PIGK: variants seen among roughly 807,000 people sequenced by gnomAD.
PIGK encodes phosphatidylinositol glycan anchor biosynthesis class K, also known as GPI-anchor transamidase.
A neutral mutation model predicts 50.6 loss-of-function variants in PIGK; 42 were observed. The observed-to-expected ratio is 0.83, with a 90% CI of 0.65 to 1.07. The LOEUF is 1.07. Ranked by LOEUF, PIGK falls within the 50% of genes least tolerant of loss-of-function variation. The pLI, the probability that PIGK is intolerant of heterozygous loss-of-function variation, is 0.00. For synonymous variants in PIGK, 151 were observed against 156.0 expected (o/e 0.97, Z 0.24); for missense variants, 448 against 488.7 (o/e 0.92, Z 0.78).
chr1:77,214,643 C>G (rs1291756930), intron 1 of PIGK, among the ~76,000 whole-genome samples: 1 of 152,114 alleles, frequency 6.6e-6, no homozygotes. Flanking sequence ...ACTGGAAGTT[C>G]TAGCCAGAGC....
At position 77,120,576 on chromosome 1, in the gene PIGK, T is replaced by C. The variant is rs1654074982; in HGVS notation, c.1071+1699A>G. Among the ~76,000 whole-genome samples, 9 of 152,282 alleles carry C rather than the reference T, an allele frequency of 5.9e-5. No homozygotes were observed. In the South Asian group the frequency reaches 1.9e-3, roughly 32 times the overall value. ...AGTTAATTTCTGGCAACGTAACTCT[T>C]ATGTTTCTAAAAGACCAGTTGGACC... On this transcript the variant is annotated intron_variant, in intron 10 of 10. Transcript: ENST00000370812.
intron 3 of PIGK, among the ~76,000 whole-genome samples, chr1:77,200,937 G>A (rs949619922): frequency 6.6e-6 from 1 of 152,176 alleles, no homozygotes; most frequent in African/African-American, 2.4e-5. Flanking sequence ...GATAGTGAAT[G>A]TGTATTACAA....
chr1:77,158,306 T>C (rs979727796), intron 8 of PIGK, among the ~76,000 whole-genome samples: 1 of 151,428 alleles, frequency 6.6e-6, no homozygotes, highest in Admixed American at 6.6e-5. Context: ...CATGAGCCAC[T>C]GAGCCCAGCC....
At chr1:77,198,834 C>T (rs1254440570) in intron 3 of PIGK, among the ~76,000 whole-genome samples, 1 of 151,890 alleles carries the variant, frequency 6.6e-6, no homozygotes, top group Non-Finnish European at 1.5e-5. Flanking sequence ...ACTGCAATGC[C>T]AATGAGAATC....
chr1:77,092,596 T>A, intron 10 of PIGK, 106 bp from the exon 11 acceptor site: 1 of 708,142 alleles, frequency 1.4e-6, no homozygotes. Flanking sequence ...TGTGTTTGAA[T>A]GGGGACTAGT....
chr1:77,093,838 T>C (rs961397796), intron 10 of PIGK, among the ~76,000 whole-genome samples: 1 of 152,082 alleles, frequency 6.6e-6, no homozygotes, highest in Non-Finnish European at 1.5e-5. Context: ...CCCTCTAATA[T>C]CCTACAAGAC....
intron 1 of PIGK, among the ~76,000 whole-genome samples, chr1:77,211,536 T>C (rs930743044): frequency 1.7e-4 from 26 of 152,060 alleles, no homozygotes; most frequent in African/African-American, 6.3e-4. Context: ...ATTTCACTTT[T>C]AGTAATGCCA....
chr1:77,108,256 C>T (rs1653741540), intron 10 of PIGK, among the ~76,000 whole-genome samples: 2 of 152,172 alleles, frequency 1.3e-5, no homozygotes, highest in Non-Finnish European at 2.9e-5. Flanking sequence ...TTTAGTGCTT[C>T]CTTCAGGAGC....
intron 3 of PIGK, chr1:77,195,406 C>A: frequency 1.8e-6 from 2 of 1,096,208 alleles, no homozygotes; most frequent in Non-Finnish European, 2.6e-6. Flanking sequence ...GGAGTGAGAG[C>A]TTAGGGTGCT....
intron 8 of PIGK, among the ~76,000 whole-genome samples, chr1:77,159,590 T>G (rs1392558821): frequency 6.6e-6 from 1 of 152,212 alleles, no homozygotes; most frequent in African/African-American, 2.4e-5. Flanking sequence ...AGGGCAAAGC[T>G]GCCCAAGGAC....
At chr1:77,165,235 C>T (rs1209434645) in intron 5 of PIGK, among the ~76,000 whole-genome samples, 1 of 152,050 alleles carries the variant, frequency 6.6e-6, no homozygotes, top group Non-Finnish European at 1.5e-5. Flanking sequence ...ATAATAAATC[C>T]TTTAGTTTAG....
At chr1:77,134,719 G>A (rs758921442) in intron 9 of PIGK, among the ~76,000 whole-genome samples, 32 of 152,032 alleles carry the variant, frequency 2.1e-4, no homozygotes, top group Middle Eastern at 3.2e-3. Flanking sequence ...TTAAAAATAC[G>A]ATTTAATCTG....
intron 10 of PIGK, among the ~76,000 whole-genome samples, chr1:77,102,847 T>C (rs1293835502): frequency 6.6e-6 from 1 of 152,238 alleles, no homozygotes; most frequent in African/African-American, 2.4e-5. Context: ...GAAGCTTTTT[T>C]TGTTTGTTTT....
At chr1:77,185,033 C>A (rs1655707339) in intron 3 of PIGK, among the ~76,000 whole-genome samples, 1 of 152,170 alleles carries the variant, frequency 6.6e-6, no homozygotes, top group African/African-American at 2.4e-5. Context: ...TAAACTTAAC[C>A]AAGTGGCGAC....
At chr1:77,170,144 C>T (rs779014568) in intron 3 of PIGK, among the ~76,000 whole-genome samples, 16 of 152,216 alleles carry the variant, frequency 1.1e-4, no homozygotes, top group Non-Finnish European at 1.5e-4. Flanking sequence ...AATGTTCCCA[C>T]TTAAAAGTTT....
rs555848621 is a variant in PIGK, at chr1:77,198,993, T to C, written c.239+7647A>G. Among the ~76,000 whole-genome samples, 3 of 152,176 alleles carry C rather than the reference T, an allele frequency of 2.0e-5. No individual in the cohort carries two copies. The South Asian group carries it at 6.2e-4, about 32-fold the overall frequency. On this transcript the variant is annotated intron_variant, in intron 3 of 10. Coordinates refer to ENST00000370812, the MANE Select transcript of PIGK (RefSeq NM_005482.3). ...GATAGTGACAGTAGTAAAGACATTGTGGTATTGGTGAAGGAATAAGCATCT... is the reference window on the plus strand; with the variant it reads ...GATAGTGACAGTAGTAAAGACATTGCGGTATTGGTGAAGGAATAAGCATCT...
intron 9 of PIGK, among the ~76,000 whole-genome samples, chr1:77,149,614 A>C (rs1654848545): frequency 6.6e-6 from 1 of 152,190 alleles, no homozygotes; most frequent in Non-Finnish European, 1.5e-5. Context: ...ATATGATTAG[A>C]TCTAAAGGAA....
intron 3 of PIGK, among the ~76,000 whole-genome samples, chr1:77,202,450 G>A (rs949351105): frequency 5.3e-5 from 8 of 152,238 alleles, no homozygotes; most frequent in African/African-American, 1.9e-4. Flanking sequence ...AGAACTGTAG[G>A]TGAGCGACCA....
intron 6 of PIGK, among the ~76,000 whole-genome samples, chr1:77,162,322 T>C (rs572856886): frequency 1.4e-3 from 220 of 152,144 alleles, no homozygotes; most frequent in African/African-American, 5.0e-3. Flanking sequence ...ATACGGACAA[T>C]GAGGGATGTT....
Sources: gnomAD v4.1 joint callset for allele counts (sites outside exome capture counted in the v4.1 genomes callset) on GRCh38, gnomAD v4.1.1 for gene constraint, MANE v1.5 for transcripts, NCBI Gene and HGNC (gene_info 2026-07-23, HGNC 2026-07-21) for gene names.